CLIP2: variants seen among roughly 807,000 people sequenced by gnomAD.
CLIP2 encodes CAP-Gly domain-containing linker protein 2.
A neutral mutation model predicts 111.7 loss-of-function variants in CLIP2; 41 were observed. The ratio of observed to expected loss-of-function variants is 0.37; its 90% CI spans 0.29 to 0.48. CLIP2 has a LOEUF of 0.48. Ranked by LOEUF, CLIP2 falls within the 20% of genes least tolerant of loss-of-function variation. The probability of loss-of-function intolerance (pLI) is 0.99; values close to 1 mark genes in which losing one functional copy is unlikely to be tolerated. For missense variants in CLIP2, 1,160 were observed against 1,422.1 expected, an observed-to-expected ratio of 0.82 and a Z score of 2.96; for synonymous variants, 660 against 644.2, an observed-to-expected ratio of 1.02 and a Z score of -0.37.
rs781981033 is a variant in CLIP2, at chr7:74,405,515, CT to C, written c.*1668del. 1.3e-5 allele frequency: 2 copies of C among 153,114 alleles called. No homozygotes were observed. The highest frequency in any genetic ancestry group is 6.5e-5 in the Admixed American group (1 of 15,286). 9.5% of individuals were successfully genotyped at this position (153,114 alleles called of 1,614,324 possible). A position where few individuals can be genotyped will look rare whatever the true frequency, so the allele number is the denominator to read the frequency against. ...GTCACAGTCAGTCCCCCCGGCCCCC[CT>C]CCCAGTCCCTGTTGGCTTTCGGTAG... On this transcript the variant is annotated 3_prime_UTR_variant, in exon 17 of 17. Coordinates refer to ENST00000223398, the MANE Select transcript of CLIP2 (RefSeq NM_003388.5).
At chr7:74,297,620 A>G (rs1788209321) in intron 1 of CLIP2, among the ~76,000 whole-genome samples, 1 of 151,996 alleles carries the variant, frequency 6.6e-6, no homozygotes, top group Admixed American at 6.6e-5. Context: ...ACCCCTGGGA[A>G]CACTCCATGC....
At chr7:74,339,109 C>T (rs552375220) in intron 3 of CLIP2, 105 bp downstream of exon 3, 3 of 1,079,398 alleles carry the variant, frequency 2.8e-6, no homozygotes, top group South Asian at 3.1e-5. Context: ...GGTGGGGACT[C>T]GAAGGGGGCT....
intron 16 of CLIP2, chr7:74,401,803 C>G: frequency 1.6e-6 from 1 of 636,038 alleles, no homozygotes; most frequent in South Asian, 1.6e-5. Flanking sequence ...CAGTGGCCCA[C>G]GCCTGTAACC....
At chr7:74,310,036 C>CAAAAAAAAAAAAAAA (rs71094774) in intron 1 of CLIP2, among the ~76,000 whole-genome samples, 32 of 92,488 alleles carry the variant, frequency 3.5e-4, no homozygotes, top group East Asian at 6.3e-4. Flanking sequence ...CCTGTCTCTA[C>CAAAAAAAAAAAAAAA]AAAAAAAAAA....
chr7:74,309,934 C>T (rs62476375), intron 1 of CLIP2, among the ~76,000 whole-genome samples: 3,213 of 150,072 alleles, frequency 0.021, 49 homozygotes, highest in Middle Eastern at 0.066. Flanking sequence ...CATGGTGGCT[C>T]ATACCTTTAA....
At chr7:74,400,762 C>A (rs1435709889) in intron 15 of CLIP2, among the ~76,000 whole-genome samples, 2 of 151,874 alleles carry the variant, frequency 1.3e-5, no homozygotes, top group South Asian at 4.2e-4. Flanking sequence ...CCTGGGAACC[C>A]CAGTCTGAAG....
At chr7:74,332,257 A>G (rs1016062474) in intron 2 of CLIP2, among the ~76,000 whole-genome samples, 1 of 151,830 alleles carries the variant, frequency 6.6e-6, no homozygotes, top group East Asian at 1.9e-4. Flanking sequence ...TATTTTTAGT[A>G]GAGACGAGGT....
In CLIP2 at chr7:74,328,187, TGA is replaced by T. The variant is rs1483569167; in HGVS notation, c.122-10259_122-10258del. 8.5e-5 allele frequency among the ~76,000 whole-genome samples: 13 copies of T among 152,092 alleles called. No homozygotes were observed. The South Asian group carries it at 2.7e-3, about 32-fold the overall frequency. The stretch of plus-strand genomic sequence containing the variant: ...GGTCCTCCCTGGAGCAGGCATGGAC[TGA>T]GGGGTGGAAACAGGTTGGGGTGGAC... On this transcript the variant is annotated intron_variant, in intron 2 of 16. Coordinates refer to ENST00000223398, the MANE Select transcript of CLIP2 (RefSeq NM_003388.5).
intron 2 of CLIP2, among the ~76,000 whole-genome samples, chr7:74,328,284 C>T (rs1032487473): frequency 6.6e-6 from 1 of 152,176 alleles, no homozygotes; most frequent in Non-Finnish European, 1.5e-5. Context: ...TTCCTTCCTT[C>T]GTAACCTCTG....
intron 1 of CLIP2, among the ~76,000 whole-genome samples, chr7:74,302,739 A>T (rs1788373524): frequency 6.6e-6 from 1 of 152,012 alleles, no homozygotes; most frequent in Non-Finnish European, 1.5e-5. Context: ...TGCCAGTTTC[A>T]TCTCCCTCCC....
In CLIP2 at chr7:74,384,441, ATTTTTTT is replaced by A. The variant is rs533449196; in HGVS notation, c.2480-2064_2480-2058del. ...GAAGAGTAGAATGCTAGGTCATATG[ATTTTTTT>A]TTTTTTTTTTTTTTTGAGATGGAGT... On this transcript the variant is annotated intron_variant, in intron 11 of 16. Coordinates refer to ENST00000223398, the MANE Select transcript of CLIP2 (RefSeq NM_003388.5). 5.3e-3 allele frequency among the ~76,000 whole-genome samples: 523 copies of A among 98,468 alleles called. 2 individuals are homozygous for A. The highest frequency in any genetic ancestry group is 0.022 in the African/African-American group (500 of 23,096). 64.6% of individuals were successfully genotyped at this position (98,468 alleles called of 152,430 possible).
chr7:74,317,130 T>G (rs1788799902), intron 1 of CLIP2, among the ~76,000 whole-genome samples: 1 of 152,118 alleles, frequency 6.6e-6, no homozygotes, highest in African/African-American at 2.4e-5. Context: ...TGCAACCAAA[T>G]AAATAAAGAC....
At chr7:74,316,458 C>T (rs1269163839) in intron 1 of CLIP2, among the ~76,000 whole-genome samples, 2 of 151,844 alleles carry the variant, frequency 1.3e-5, no homozygotes, top group Non-Finnish European at 2.9e-5. Flanking sequence ...GCTACGCTAC[C>T]AAGGCTGGTT....
rs1791721302 is a variant in CLIP2 at position 74,404,707 on chromosome 7, G to A, written c.*859G>A. The A allele has an allele frequency of 6.6e-6, 1 of 152,480 alleles. No homozygotes were observed. The highest frequency in any genetic ancestry group is 1.5e-5 in the Non-Finnish European group (1 of 68,052). 9.4% of individuals were successfully genotyped at this position (152,480 alleles called of 1,614,324 possible). ...AGGTTTGACAAAGGTCAGTAATACG[G>A]TTTCCCCTGGGGTTGACCAGATGTT... On this transcript the variant is annotated 3_prime_UTR_variant, in exon 17 of 17. Transcript: ENST00000223398.
chr7:74,351,006 A>AAGAG (rs150657072), intron 3 of CLIP2, among the ~76,000 whole-genome samples: 2 of 135,478 alleles, frequency 1.5e-5, no homozygotes, highest in Non-Finnish European at 3.0e-5. Flanking sequence ...GAAGGAGAGA[A>AAGAG]AGAAAGAAGG....
In CLIP2 at chr7:74,356,567, A is replaced by G. The variant is rs1207379951; in HGVS notation, c.961A>G (p.Ser321Gly). 6.2e-7 allele frequency: 1 copy of G among 1,614,022 alleles called. No individual in the cohort carries two copies. The highest frequency in any genetic ancestry group is 8.5e-7 in the Non-Finnish European group (1 of 1,180,044). Residue 321 changes from serine to glycine, a missense_variant, in exon 5 of 17, where the codon AGC becomes GGC. Around this residue, in one of 5 missense-constraint regions of CLIP2, gnomAD observed 110 missense variants for 185.2 expected, o/e 0.59. Coordinates refer to ENST00000223398, the MANE Select transcript of CLIP2 (RefSeq NM_003388.5). ...CCACAGTCCCAGCAGTTCCTCCATCAGCTCCGTCAGCTCTGTGGCCTCCTC... is the reference window on the plus strand; with the variant it reads ...CCACAGTCCCAGCAGTTCCTCCATCGGCTCCGTCAGCTCTGTGGCCTCCTC... ...LTHSPSSSSISSVSSVASSVG... is the reference protein window; with the variant it reads ...LTHSPSSSSIGSVSSVASSVG...
Position 74,302,097 on chromosome 7 carries a change from C to G in CLIP2, c.-68+12363C>G, listed in dbSNP as rs566320923. Among the ~76,000 whole-genome samples, 22 of 152,222 alleles carry G rather than the reference C, an allele frequency of 1.4e-4. No individual in the cohort carries two copies. The East Asian group carries it at 4.1e-3, about 28-fold the overall frequency. On this transcript the variant is annotated intron_variant, in intron 1 of 16. Coordinates refer to ENST00000223398, the MANE Select transcript of CLIP2 (RefSeq NM_003388.5). ...TTGTGGCTGGTGGTTCTGAGCATGCCAACTCTGTGTGTGTGTCTAGCTCCC... is the reference window on the plus strand; with the variant it reads ...TTGTGGCTGGTGGTTCTGAGCATGCGAACTCTGTGTGTGTGTCTAGCTCCC...
chr7:74,347,314 G>C (rs1789822955), intron 3 of CLIP2, among the ~76,000 whole-genome samples: 1 of 152,134 alleles, frequency 6.6e-6, no homozygotes, highest in African/African-American at 2.4e-5. Context: ...TGTCGCCTAG[G>C]CTGGAGTGCA....
At position 74,380,833 on chromosome 7, in the gene CLIP2, G is replaced by A; in HGVS notation, c.2449G>A (p.Glu817Lys). 6.2e-7 allele frequency: 1 copy of A among 1,610,968 alleles called. No individual in the cohort carries two copies. The highest frequency in any genetic ancestry group is 8.5e-7 in the Non-Finnish European group (1 of 1,177,806). ...HMIESNDISEETIRTKETVEG... is the reference protein window; with the variant it reads ...HMIESNDISEKTIRTKETVEG... ...GATTGAGTCGAATGACATTTCAGAG[G>A]AGACGATCAGGACGAAGGAAACTGT... Residue 817 changes from glutamate (E) to lysine (K), a missense_variant, in exon 11 of 17, where the codon GAG becomes AAG. Coordinates refer to ENST00000223398, the MANE Select transcript of CLIP2 (RefSeq NM_003388.5).
Sources: allele counts gnomAD v4.1 joint callset (sites outside exome capture counted in the v4.1 genomes callset), GRCh38; gene constraint gnomAD v4.1.1; regional missense constraint gnomAD v4.1.1; transcripts MANE v1.5; gene names NCBI Gene and HGNC (gene_info 2026-07-23, HGNC 2026-07-21).